The following ADGRF4 variants were observed in gnomAD, a reference collection of about 807,000 sequenced individuals.
ADGRF4 encodes adhesion G protein-coupled receptor F4.
In ADGRF4, 63 loss-of-function variants were observed where a neutral mutation model predicts 58.5. That is an observed-to-expected ratio of 1.08 (90% confidence interval 0.88 to 1.33). The LOEUF (loss-of-function observed/expected upper bound fraction) is 1.33. ADGRF4 is among the 40% of genes most tolerant of loss of function. The probability of loss-of-function intolerance (pLI) is 0.00; values close to 1 mark genes in which losing one functional copy is unlikely to be tolerated. For missense variants in ADGRF4, 931 were observed against 843.9 expected (o/e 1.10, Z -1.28); for synonymous variants, 313 against 295.4 (o/e 1.06, Z -0.61).
chr6:47,715,130 A>T lies in ADGRF4; in HGVS notation c.1885A>T (p.Thr629Ser), dbSNP rs778873483. ...TGGAATAGCCACTCTCATAGAAGGC[A>T]CTTCCTTGACGTTCCATATAATTTT... ...GFGIATLIEGTSLTFHIIFAL... is the reference protein window; with the variant it reads ...GFGIATLIEGSSLTFHIIFAL... The change falls in exon 6 of 10, where the codon ACT becomes TCT. Residue 629 changes from threonine to serine, a missense_variant. Transcript: ENST00000283303. 34 of 1,598,104 alleles carry T rather than the reference A, an allele frequency of 2.1e-5. No homozygotes were observed. The highest frequency in any genetic ancestry group is 2.9e-5 in the Non-Finnish European group (34 of 1,166,906).
At chr6:47,700,332 T>A (rs1771563184) in intron 1 of ADGRF4, among the ~76,000 whole-genome samples, 2 of 152,196 alleles carry the variant, frequency 1.3e-5, no homozygotes, top group African/African-American at 4.8e-5. Context: ...TAGGGAGTAC[T>A]CAGTCTGTGT....
chr6:47,716,965 T>A, intron 7 of ADGRF4, 118 bp downstream of exon 7: 1 of 738,274 alleles, frequency 1.4e-6, no homozygotes, highest in Non-Finnish European at 2.4e-6. Flanking sequence ...TGAGGATGGT[T>A]CAAGGAATCA....
At chr6:47,710,975 A>T (rs1226737045) in intron 4 of ADGRF4, 89 bp downstream of exon 4, 3 of 1,259,376 alleles carry the variant, frequency 2.4e-6, no homozygotes, top group Non-Finnish European at 3.3e-6. Flanking sequence ...AGCATGACAA[A>T]AAGTCTCAGA....
chr6:47,708,510 C>A (rs760644234), intron 3 of ADGRF4, among the ~76,000 whole-genome samples: 14 of 152,176 alleles, frequency 9.2e-5, no homozygotes, highest in Non-Finnish European at 1.6e-4. Flanking sequence ...GAATAGTAGA[C>A]AAATACATAC....
At position 47,714,530 on chromosome 6, in the gene ADGRF4, C is replaced by T. The variant is rs145102054; in HGVS notation, c.1285C>T (p.Arg429Trp). 9 of 1,613,880 alleles carry T rather than the reference C, an allele frequency of 5.6e-6. No individual in the cohort carries two copies. Among genetic ancestry groups the T allele is most frequent in the African/African-American group, 4.0e-5 (3 of 74,864 alleles). ...CLIIEATVWS[R>W]VVVTEISYMR... ...GATCATTGAAGCCACAGTGTGGTCC[C>T]GGGTGGTTGTGACGGAGATATCATA... The change falls in exon 6 of 10, where the codon CGG becomes TGG. Residue 429 changes from arginine to tryptophan, a missense_variant. Coordinates refer to ENST00000283303, the MANE Select transcript of ADGRF4 (RefSeq NM_153838.5).
At chr6:47,704,700 T>C (rs2113895677) in intron 1 of ADGRF4, among the ~76,000 whole-genome samples, 1 of 152,286 alleles carries the variant, frequency 6.6e-6, no homozygotes, top group Non-Finnish European at 1.5e-5. Context: ...TTTGAGAGAA[T>C]GTCAAATAGA....
In ADGRF4 at chr6:47,704,280, G is replaced by A. The variant is rs142062718; in HGVS notation, c.-16-2950G>A. Reference sequence around the variant, plus strand: ...GCTGGTCTCGAACTCCTGACCTCAGGTCAGCCTCCCAAAGTGCTGGGATTA... The same window carrying A: ...GCTGGTCTCGAACTCCTGACCTCAGATCAGCCTCCCAAAGTGCTGGGATTA... On this transcript the variant is annotated intron_variant, in intron 1 of 9. Transcript: ENST00000283303. 4.3e-3 allele frequency among the ~76,000 whole-genome samples: 660 copies of A among 152,090 alleles called. 3 individuals are homozygous for A. Among genetic ancestry groups the A allele is most frequent in the African/African-American group, 0.014 (574 of 41,484 alleles).
chr6:47,717,179 A>T (rs1772041138), intron 7 of ADGRF4, 113 bp from the exon 8 acceptor site: 2 of 789,012 alleles, frequency 2.5e-6, no homozygotes, highest in Non-Finnish European at 4.6e-6. Flanking sequence ...CACTATGCTA[A>T]GTCCTCTGAT....
chr6:47,707,183 G>A (rs111326294), intron 1 of ADGRF4, 47 bp from the exon 2 acceptor site: 208 of 1,004,280 alleles, frequency 2.1e-4, no homozygotes, highest in African/African-American at 1.8e-3. Flanking sequence ...TGTTAGTTGC[G>A]TGAAGTTGTC....
At chr6:47,705,787 C>T (rs1224955709) in intron 1 of ADGRF4, among the ~76,000 whole-genome samples, 1 of 152,188 alleles carries the variant, frequency 6.6e-6, no homozygotes, top group Non-Finnish European at 1.5e-5. Context: ...GTCATCTCTA[C>T]TGGATCATAA....
At chr6:47,711,157 T>C (rs1161587736) in intron 4 of ADGRF4, among the ~76,000 whole-genome samples, 1 of 152,122 alleles carries the variant, frequency 6.6e-6, no homozygotes, top group Non-Finnish European at 1.5e-5. Flanking sequence ...TGCTATTGTG[T>C]ATATGATTGC....
chr6:47,707,080 T>TA, intron 1 of ADGRF4, 150 bp from the exon 2 acceptor site: 1 of 587,444 alleles, frequency 1.7e-6, no homozygotes, highest in Non-Finnish European at 3.1e-6. Flanking sequence ...TGAAAATAGA[T>TA]ATTGGTGTGC....
intron 3 of ADGRF4, among the ~76,000 whole-genome samples, chr6:47,710,123 T>A (rs1197720839): frequency 6.6e-6 from 1 of 152,206 alleles, no homozygotes; most frequent in South Asian, 2.1e-4. Flanking sequence ...GATTAGTTGA[T>A]GAAATTGTTG....
At chr6:47,700,935 T>C (rs13200183) in intron 1 of ADGRF4, among the ~76,000 whole-genome samples, 54,716 of 152,080 alleles carry the variant, frequency 0.36, 10,556 homozygotes, top group East Asian at 0.7. Flanking sequence ...ATCAGGTGTT[T>C]ACATTTTTTT....
intron 5 of ADGRF4, 57 bp from the exon 6 acceptor site, chr6:47,713,741 A>G: frequency 7.4e-7 from 1 of 1,342,432 alleles, no homozygotes; most frequent in Non-Finnish European, 9.9e-7. Flanking sequence ...TTTAGAAATC[A>G]ACTTTGTACA....
intron 4 of ADGRF4, 27 bp from the exon 5 acceptor site, chr6:47,712,330 G>T: frequency 6.2e-7 from 1 of 1,609,134 alleles, no homozygotes. Flanking sequence ...AATCATTTTT[G>T]AATGAAACTA....
chr6:47,720,117 A>C (rs1351158296), intron 9 of ADGRF4, among the ~76,000 whole-genome samples: 1 of 152,098 alleles, frequency 6.6e-6, no homozygotes, highest in Non-Finnish European at 1.5e-5. Context: ...GGACCTAACA[A>C]AGATTACAGT....
Position 47,710,902 on chromosome 6 carries a change from A to G in ADGRF4, c.300+16A>G, listed in dbSNP as rs573225448. ...ACTCTTTAAGGTGATGCATTCACAA[A>G]TTATTGGTGACAGAAGCCAATCCCC... On this transcript the variant is annotated intron_variant, in intron 4 of 9. Transcript: ENST00000283303. 3.9e-5 allele frequency: 62 copies of G among 1,606,918 alleles called. 1 individual carries two copies. In the Admixed American group the frequency reaches 8.4e-4, roughly 22 times the overall value.
chr6:47,705,911 C>A (rs2113896722), intron 1 of ADGRF4, among the ~76,000 whole-genome samples: 1 of 152,318 alleles, frequency 6.6e-6, no homozygotes, highest in South Asian at 2.1e-4. Context: ...CACTGAACAT[C>A]TTTTACAGGA....
Sources: gnomAD v4.1 joint callset for allele counts (sites outside exome capture counted in the v4.1 genomes callset) on GRCh38, gnomAD v4.1.1 for gene constraint, MANE v1.5 for transcripts, NCBI Gene and HGNC (gene_info 2026-07-23, HGNC 2026-07-21) for gene names.